ING2: variants seen among roughly 807,000 people sequenced by gnomAD.
ING2 encodes inhibitor of growth protein 2.
ING2 carries 7 observed loss-of-function variants against 30.6 expected under a neutral mutation model. The observed-to-expected ratio is 0.23, with a 90% CI of 0.13 to 0.43. The LOEUF is 0.43. ING2 is among the 20% of genes least tolerant of loss of function. The probability of loss-of-function intolerance (pLI) is 1.00; values close to 1 mark genes in which losing one functional copy is unlikely to be tolerated. For synonymous variants in ING2, 136 were observed against 121.7 expected (o/e 1.12, Z -0.78); for missense variants, 239 against 334.9 (o/e 0.71, Z 2.24).
Position 183,510,298 on chromosome 4 carries a change from T to C in ING2, c.189T>C (p.Ile63=), listed in dbSNP as rs1240688033. ...DNKYQETLKE[I]DDVYEKYKKE... is the part of the protein sequence containing the mutation. ...TTTTTTTAGAAACGTTAAAGGAAAT[T>C]GATGATGTCTACGAAAAATATAAGA... Residue 63 remains isoleucine (I), a synonymous_variant, in exon 2 of 2, where the codon ATT becomes ATC. Coordinates refer to ENST00000302327, the MANE Select transcript of ING2 (RefSeq NM_001564.4). 6.3e-7 allele frequency: 1 copy of C among 1,582,424 alleles called. No homozygotes were observed. The highest frequency in any genetic ancestry group is 8.6e-7 in the Non-Finnish European group (1 of 1,168,308).
In ING2 at chr4:183,505,250, G is replaced by C; in HGVS notation, c.55G>C (p.Glu19Gln). The C allele has an allele frequency of 6.3e-7, 1 of 1,596,530 alleles. No homozygotes were observed. The highest frequency in any genetic ancestry group is 8.5e-7 in the Non-Finnish European group (1 of 1,172,636). Reference protein sequence around the residue: ...LYSSAALLTGERSRLLTCYVQ... With the variant: ...LYSSAALLTGQRSRLLTCYVQ... ...CTCGTCGGCCGCGCTCCTGACCGGGGAGCGGAGCCGGCTGCTCACCTGCTA... is the reference window on the plus strand; with the variant it reads ...CTCGTCGGCCGCGCTCCTGACCGGGCAGCGGAGCCGGCTGCTCACCTGCTA... The change falls in exon 1 of 2, where the codon GAG becomes CAG. Residue 19 changes from glutamate to glutamine, a missense_variant. Around this residue, in one of 5 missense-constraint regions of ING2, gnomAD observed 80 missense variants for 102.4 expected, o/e 0.78. Coordinates refer to ENST00000302327, the MANE Select transcript of ING2 (RefSeq NM_001564.4).
chr4:183,505,858 A>C (rs1025748393), intron 1 of ING2, among the ~76,000 whole-genome samples: 1 of 151,730 alleles, frequency 6.6e-6, no homozygotes, highest in African/African-American at 2.4e-5. Flanking sequence ...AGGCGGACTG[A>C]GGGGGCCTTC....
At chr4:183,507,991 T>C (rs1322155027) in intron 1 of ING2, among the ~76,000 whole-genome samples, 1 of 152,162 alleles carries the variant, frequency 6.6e-6, no homozygotes, top group African/African-American at 2.4e-5. Flanking sequence ...ACCTTCAAAC[T>C]AAACTTTGAT....
intron 1 of ING2, chr4:183,505,990 G>T: frequency 1.3e-6 from 1 of 746,640 alleles, no homozygotes; most frequent in Non-Finnish European, 1.8e-6. Context: ...GGTTAAGAGG[G>T]GAGGGGTCCC....
intron 1 of ING2, chr4:183,505,977 A>G: frequency 1.6e-6 from 1 of 622,040 alleles, no homozygotes; most frequent in Non-Finnish European, 2.2e-6. Context: ...CTTTCGGCAA[A>G]ATGGTTAAGA....
intron 1 of ING2, among the ~76,000 whole-genome samples, chr4:183,506,725 T>C (rs1334808393): frequency 6.6e-6 from 1 of 152,128 alleles, no homozygotes; most frequent in Non-Finnish European, 1.5e-5. Context: ...CTGATGTTTT[T>C]TAGTTTATAA....
rs896585377 is a variant in ING2 at position 183,511,332 on chromosome 4, A to G, written c.*380A>G. Among the ~76,000 whole-genome samples the G allele has an allele frequency of 6.6e-6, 1 of 152,244 alleles. No individual in the cohort carries two copies. The highest frequency in any genetic ancestry group is 2.4e-5 in the African/African-American group (1 of 41,470). On this transcript the variant is annotated 3_prime_UTR_variant, in exon 2 of 2. Coordinates refer to ENST00000302327, the MANE Select transcript of ING2 (RefSeq NM_001564.4). ...TTAAAAAAATGTTAGATGTAGTGGG[A>G]TTTCTCTTAAGCATCAAATGATCTT...
At chr4:183,508,321 A>G (rs997562800) in intron 1 of ING2, among the ~76,000 whole-genome samples, 2 of 152,068 alleles carry the variant, frequency 1.3e-5, no homozygotes, top group African/African-American at 4.8e-5. Context: ...CCTGATTATT[A>G]GGTACAAAAT....
chr4:183,509,404 A>T (rs915200743), intron 1 of ING2, among the ~76,000 whole-genome samples: 1 of 151,754 alleles, frequency 6.6e-6, no homozygotes, highest in Non-Finnish European at 1.5e-5. Flanking sequence ...GTTCCTGCCC[A>T]TGAGAAATAC....
Position 183,512,242 on chromosome 4 carries a change from GA to G in ING2, c.*1299del, listed in dbSNP as rs112692302. ...GAAAAATCCTGTCTGCTTGTTTTGG[GA>G]AAAAAAAATGCTTTTTTTCTCTTCT... On this transcript the variant is annotated 3_prime_UTR_variant, in exon 2 of 2. Transcript: ENST00000302327. Among the ~76,000 whole-genome samples the G allele has an allele frequency of 1.8e-4, 27 of 150,068 alleles. No individual in the cohort carries two copies. Among genetic ancestry groups the G allele is most frequent in the African/African-American group, 4.7e-4 (19 of 40,794 alleles).
chr4:183,510,107 T>C (rs1734786983), intron 1 of ING2, among the ~76,000 whole-genome samples, 175 bp from the exon 2 acceptor site: 1 of 152,212 alleles, frequency 6.6e-6, no homozygotes, highest in Non-Finnish European at 1.5e-5. Context: ...TAACTATACT[T>C]TCATATTAGA....
intron 1 of ING2, chr4:183,506,122 T>G: frequency 1.6e-6 from 2 of 1,218,490 alleles, no homozygotes; most frequent in Non-Finnish European, 2.1e-6. Context: ...GCCTGGAAAA[T>G]GGCTGGTCGC....
At chr4:183,506,555 A>C (rs1027840935) in intron 1 of ING2, among the ~76,000 whole-genome samples, 1 of 152,216 alleles carries the variant, frequency 6.6e-6, no homozygotes, top group African/African-American at 2.4e-5. Context: ...GTTGCGCTTA[A>C]TAACCTTGAA....
chr4:183,507,871 TAAA>T (rs757116867), intron 1 of ING2, among the ~76,000 whole-genome samples: 12 of 152,132 alleles, frequency 7.9e-5, no homozygotes, highest in East Asian at 1.9e-4. Context: ...AAATGAGAAA[TAAA>T]GAAGAAAACA....
rs190129334 is a variant in ING2, at chr4:183,507,164, G to A, written c.172+1797G>A. ...CCCCTAGGCTGGAGTGCAGTGGCTC[G>A]ATCTTAGCTCCCTGCAACCTCTGCC... On this transcript the variant is annotated intron_variant, in intron 1 of 1. Coordinates refer to ENST00000302327, the MANE Select transcript of ING2 (RefSeq NM_001564.4). 5.2e-3 allele frequency among the ~76,000 whole-genome samples: 789 copies of A among 152,242 alleles called. 3 individuals carry two copies. Among genetic ancestry groups the A allele is most frequent in the Non-Finnish European group, 6.9e-3 (471 of 68,004 alleles).
chr4:183,505,339 G>C lies in ING2; in HGVS notation c.144G>C (p.Val48=). ...ACGACATGCAGAGGAACGTGTCTGT[G>C]CTGCGAGAGCTGGACAACAAATATC... ...LPHDMQRNVS[V]LRELDNKYQE... The change falls in exon 1 of 2, where the codon GTG becomes GTC. Residue 48 remains valine, a synonymous_variant. Coordinates refer to ENST00000302327, the MANE Select transcript of ING2 (RefSeq NM_001564.4). 1 of 1,542,056 alleles carries C rather than the reference G, an allele frequency of 6.5e-7. No homozygotes were observed. The highest frequency in any genetic ancestry group is 8.7e-7 in the Non-Finnish European group (1 of 1,143,644).
rs1734824337 is a variant in ING2 at position 183,511,687 on chromosome 4, T to C, written c.*735T>C. ...GTAGTTAGCATACCAAAAATATACA[T>C]TGGCTTACATTGGCAAACTTTGGGT... On this transcript the variant is annotated 3_prime_UTR_variant, in exon 2 of 2. Coordinates refer to ENST00000302327, the MANE Select transcript of ING2 (RefSeq NM_001564.4). 6.6e-6 allele frequency among the ~76,000 whole-genome samples: 1 copy of C among 152,070 alleles called. No individual in the cohort carries two copies. Among genetic ancestry groups the C allele is most frequent in the African/African-American group, 2.4e-5 (1 of 41,420 alleles).
At chr4:183,507,638 A>G (rs1368668601) in intron 1 of ING2, among the ~76,000 whole-genome samples, 1 of 152,158 alleles carries the variant, frequency 6.6e-6, no homozygotes, top group African/African-American at 2.4e-5. Flanking sequence ...AAACTCATCT[A>G]GTTTTCACTC....
intron 1 of ING2, among the ~76,000 whole-genome samples, chr4:183,506,497 C>T (rs1368547775): frequency 2.0e-5 from 3 of 152,212 alleles, no homozygotes; most frequent in Non-Finnish European, 2.9e-5. Flanking sequence ...AGTGTTACCA[C>T]CTACTATCGG....
Sources: allele counts gnomAD v4.1 joint callset (sites outside exome capture counted in the v4.1 genomes callset), GRCh38; gene constraint gnomAD v4.1.1; regional missense constraint gnomAD v4.1.1; transcripts MANE v1.5; gene names NCBI Gene and HGNC (gene_info 2026-07-23, HGNC 2026-07-21).